SRSF11: variants seen among roughly 807,000 people sequenced by gnomAD.
SRSF11 encodes the protein serine and arginine rich splicing factor 11.
Under a neutral mutation model 56.0 loss-of-function variants are expected in SRSF11, and 9 were observed. The ratio of observed to expected loss-of-function variants is 0.16; its 90% confidence interval spans 0.10 to 0.28. The LOEUF (loss-of-function observed/expected upper bound fraction) is 0.28. Among genes scored for constraint, SRSF11 ranks in the 10% least tolerant of loss-of-function variants. SRSF11 has a pLI of 1.00. For missense variants in SRSF11, 421 were observed against 600.7 expected (o/e 0.70, Z 3.13); for synonymous variants, 222 against 215.3 (o/e 1.03, Z -0.27).
intron 1 of SRSF11, 56 bp from the exon 2 acceptor site, chr1:70,228,366 G>C (rs1038590301): frequency 3.0e-6 from 4 of 1,340,936 alleles, no homozygotes; most frequent in Non-Finnish European, 4.2e-6. Context: ...TTGTGAATTA[G>C]CATTTGTTTT....
chr1:70,246,938 A>T (rs1676898905), intron 9 of SRSF11, 31 bp downstream of exon 9: 1 of 1,561,846 alleles, frequency 6.4e-7, no homozygotes, highest in South Asian at 1.2e-5. Context: ...CTTGGCAATT[A>T]TTTTTTTAAC....
chr1:70,212,457 A>G (rs1377956309), intron 1 of SRSF11, among the ~76,000 whole-genome samples: 1 of 152,114 alleles, frequency 6.6e-6, no homozygotes, highest in Non-Finnish European at 1.5e-5. Flanking sequence ...GGGTTTTGCC[A>G]CTTTGGCCAG....
rs1008868724 is a variant in SRSF11, at chr1:70,230,111, A to G, written c.337+1556A>G. 6 of 983,820 alleles carry G rather than the reference A, an allele frequency of 6.1e-6. No homozygotes were observed. In the African/African-American group the frequency reaches 8.7e-5, roughly 14 times the overall value. 60.9% of individuals were successfully genotyped at this position (983,820 alleles called of 1,614,324 possible). Reference sequence around the variant, plus strand: ...AATTTAAATTTTTTATTGGCTAAGTATTATAGTTCCCAATCCCTGAACATA... The same window carrying G: ...AATTTAAATTTTTTATTGGCTAAGTGTTATAGTTCCCAATCCCTGAACATA... On this transcript the variant is annotated intron_variant, in intron 2 of 11. Coordinates refer to ENST00000370949, the MANE Select transcript of SRSF11 (RefSeq NM_001350605.2).
At chr1:70,233,526 C>T (rs1673297566) in intron 3 of SRSF11, among the ~76,000 whole-genome samples, 1 of 152,210 alleles carries the variant, frequency 6.6e-6, no homozygotes, top group African/African-American at 2.4e-5. Flanking sequence ...AGGCGTGAGC[C>T]ACCGCGCCCA....
At chr1:70,223,609 A>G (rs1047468067) in intron 1 of SRSF11, among the ~76,000 whole-genome samples, 13 of 152,196 alleles carry the variant, frequency 8.5e-5, no homozygotes, top group Admixed American at 7.9e-4. Flanking sequence ...TGACTCCTTC[A>G]TTTATCTTCC....
chr1:70,207,521 C>A lies in SRSF11; in HGVS notation c.-26+1741C>A, dbSNP rs1237714086. Among the ~76,000 whole-genome samples the A allele has an allele frequency of 2.0e-5, 3 of 147,326 alleles. No individual in the cohort carries two copies. The East Asian group carries it at 5.9e-4, about 29-fold the overall frequency. Reference sequence around the variant, plus strand: ...GTGGCTTTTCATAATTCCCAACTTGCTTTTTTTTTTAATCCTGTAATCATT... The same window carrying A: ...GTGGCTTTTCATAATTCCCAACTTGATTTTTTTTTTAATCCTGTAATCATT... On this transcript the variant is annotated intron_variant, in intron 1 of 12. Coordinates refer to the SRSF11 transcript ENST00000370950.
upstream of SRSF11, among the ~76,000 whole-genome samples, chr1:70,218,053 G>A (rs528348073): frequency 6.6e-6 from 1 of 151,970 alleles, no homozygotes; most frequent in African/African-American, 2.4e-5. Flanking sequence ...GCAGGGACGC[G>A]ATCTCGGTTC....
chr1:70,207,769 A>G (rs1390939738), intron 1 of SRSF11, among the ~76,000 whole-genome samples: 1 of 148,486 alleles, frequency 6.7e-6, no homozygotes, highest in Non-Finnish European at 1.5e-5. Context: ...TCTGTCACCC[A>G]TGATGAAGTA....
chr1:70,212,227 A>G (rs1010340789), intron 1 of SRSF11, among the ~76,000 whole-genome samples: 16 of 152,140 alleles, frequency 1.1e-4, no homozygotes, highest in African/African-American at 3.9e-4. Flanking sequence ...GACCCATGTC[A>G]TGGTACTTTT....
intron 1 of SRSF11, 149 bp downstream of exon 1, chr1:70,221,988 TC>T: frequency 2.9e-6 from 4 of 1,386,020 alleles, no homozygotes; most frequent in Non-Finnish European, 3.7e-6. Context: ...ACGGTTGTGT[TC>T]CAGGCCTACA....
chr1:70,223,929 T>G (rs570216005), intron 1 of SRSF11, among the ~76,000 whole-genome samples: 5 of 152,310 alleles, frequency 3.3e-5, no homozygotes, highest in Admixed American at 3.3e-4. Context: ...ACAGTTGGCC[T>G]TCTTCATCTC....
At chr1:70,239,102 T>C (rs922651822) in intron 6 of SRSF11, among the ~76,000 whole-genome samples, 6 of 152,126 alleles carry the variant, frequency 3.9e-5, no homozygotes, top group African/African-American at 1.4e-4. Context: ...TGTTTGCTTG[T>C]TTTTGTTTTT....
At chr1:70,231,226 G>T in intron 2 of SRSF11, 2 of 1,231,668 alleles carry the variant, frequency 1.6e-6, no homozygotes, top group Non-Finnish European at 2.1e-6. Flanking sequence ...ATGAGATGCA[G>T]TTTCTTAATA....
At chr1:70,243,936 A>G (rs932167365) in intron 7 of SRSF11, among the ~76,000 whole-genome samples, 3 of 152,114 alleles carry the variant, frequency 2.0e-5, no homozygotes, top group African/African-American at 7.2e-5. Flanking sequence ...GACAACATCT[A>G]AAGGTTAATT....
At position 70,250,820 on chromosome 1, in the gene SRSF11, G is replaced by A. The variant is rs1677839778; in HGVS notation, c.*15G>A. ...TGAGTGACTGAATATTGCCTCTGAG[G>A]GAGTCCAACTGTATACCTGCATCAG... is the stretch of plus-strand genomic sequence containing the variant. On this transcript the variant is annotated 3_prime_UTR_variant, in exon 12 of 12. Transcript: ENST00000370949. The A allele has an allele frequency of 6.2e-7, 1 of 1,608,506 alleles. No individual in the cohort carries two copies.
At chr1:70,243,171 G>A (rs1427627214) in intron 7 of SRSF11, among the ~76,000 whole-genome samples, 2 of 151,666 alleles carry the variant, frequency 1.3e-5, no homozygotes, top group African/African-American at 4.8e-5. Context: ...AATATTTAAT[G>A]TACAGTCCCC....
chr1:70,235,854 A>AG (rs1288236737), intron 5 of SRSF11, among the ~76,000 whole-genome samples: 10 of 152,220 alleles, frequency 6.6e-5, no homozygotes, highest in Admixed American at 2.0e-4. Flanking sequence ...GGATAGTAGG[A>AG]GTTAGAGGCA....
chr1:70,230,396 C>T (rs886712222), intron 2 of SRSF11: 31 of 1,119,986 alleles, frequency 2.8e-5, no homozygotes, highest in Middle Eastern at 8.1e-4. Flanking sequence ...GAACAGTAGA[C>T]ATAGTCTACG....
chr1:70,229,650 G>A, intron 2 of SRSF11: 1 of 985,022 alleles, frequency 1.0e-6, no homozygotes, highest in Non-Finnish European at 1.2e-6. Context: ...AAACTGGTCA[G>A]TGGAAGTGGA....
Sources: gnomAD v4.1 joint callset for allele counts (sites outside exome capture counted in the v4.1 genomes callset) on GRCh38, gnomAD v4.1.1 for gene constraint, MANE v1.5 for transcripts, NCBI Gene and HGNC (gene_info 2026-07-23, HGNC 2026-07-21) for gene names.